Variants in GNG2 observed in about 807,000 individuals in gnomAD.
GNG2 encodes guanine nucleotide-binding protein G(I)/G(S)/G(O) subunit gamma-2.
In GNG2, 5 loss-of-function variants were observed where a neutral mutation model predicts 5.5. The observed-to-expected ratio is 0.91, with a 90% CI of 0.48 to 1.92. The LOEUF (loss-of-function observed/expected upper bound fraction) is 1.92, where lower values mean the gene tolerates loss of function less well. GNG2 is among the 30% of genes most tolerant of loss of function. GNG2 has a pLI of 0.01. For synonymous variants in GNG2, 28 were observed against 32.0 expected (o/e 0.88, Z 0.42); for missense variants, 55 against 88.4 (o/e 0.62, Z 1.52).
intron 2 of GNG2, among the ~76,000 whole-genome samples, chr14:51,909,956 A>C (rs972183841): frequency 3.9e-5 from 6 of 152,166 alleles, no homozygotes; most frequent in Non-Finnish European, 7.3e-5. Context: ...GCATTGAGAG[A>C]CCAGGACTCT....
At chr14:51,941,033 A>G (rs1888291487) in intron 2 of GNG2, among the ~76,000 whole-genome samples, 1 of 151,928 alleles carries the variant, frequency 6.6e-6, no homozygotes, top group South Asian at 2.1e-4. Context: ...TAATGTATAT[A>G]AATATCAATT....
rs1435325287 is a variant in GNG2 at position 51,892,063 on chromosome 14, A to G, written c.-30+14406A>G. 2.6e-5 allele frequency among the ~76,000 whole-genome samples: 4 copies of G among 152,188 alleles called. No homozygotes were observed. In the East Asian group the frequency reaches 7.7e-4, roughly 29 times the overall value. ...AAGAGTTCCTCTTGCTCCACTTGTC[A>G]ACAGTTAAGTGTTGGACAGAACAGT... On this transcript the variant is annotated intron_variant, in intron 2 of 3. Transcript: ENST00000556766.
At chr14:51,832,125 C>A (rs969866251) in intron 2 of GNG2, among the ~76,000 whole-genome samples, 2 of 141,966 alleles carry the variant, frequency 1.4e-5, no homozygotes, top group African/African-American at 5.6e-5. Context: ...ACAAAAAATA[C>A]AAAAATTAGT....
At chr14:51,834,363 G>A (rs1272918549) in intron 2 of GNG2, among the ~76,000 whole-genome samples, 4 of 152,186 alleles carry the variant, frequency 2.6e-5, no homozygotes, top group African/African-American at 9.7e-5. Context: ...GCACTTGCCT[G>A]GCTTCTGCCT....
intron 3 of GNG2, among the ~76,000 whole-genome samples, chr14:51,964,650 G>C (rs149851788): frequency 1.3e-5 from 2 of 152,072 alleles, no homozygotes. Context: ...AAAATTCAAC[G>C]GTTTATGGGA....
intron 2 of GNG2, among the ~76,000 whole-genome samples, chr14:51,946,200 G>A (rs1482489174): frequency 6.6e-6 from 1 of 152,144 alleles, no homozygotes; most frequent in African/African-American, 2.4e-5. Flanking sequence ...AGAAAATTAT[G>A]ATCCAGCAAC....
At chr14:51,826,522 C>G (rs1881033689) in intron 1 of GNG2, among the ~76,000 whole-genome samples, 1 of 152,080 alleles carries the variant, frequency 6.6e-6, no homozygotes, top group South Asian at 2.1e-4. Flanking sequence ...AGAACCAATA[C>G]CCCACCTCGT....
rs35183845 is a variant in GNG2 at position 51,842,666 on chromosome 14, A to ATTT, written c.64+14873_64+14875dup. 1.4e-3 allele frequency among the ~76,000 whole-genome samples: 199 copies of ATTT among 143,552 alleles called. 2 individuals are homozygous for ATTT. The highest frequency in any genetic ancestry group is 4.1e-3 in the African/African-American group (161 of 38,986). The allele number at this position is 143,552 out of a possible 152,430, so 94.2% of individuals were successfully genotyped here. On this transcript the variant is annotated intron_variant, in intron 2 of 3. Transcript: ENST00000553432. ...TTTCAGAGTACAGTTATTTGCCAGAATTTTTTTTTTTTTTTTGAGACAGAT... is the reference window on the plus strand; with the variant it reads ...TTTCAGAGTACAGTTATTTGCCAGAATTTTTTTTTTTTTTTTTTTGAGACAGAT...
chr14:51,953,035 G>T (rs900400073), intron 3 of GNG2, among the ~76,000 whole-genome samples: 34 of 152,046 alleles, frequency 2.2e-4, no homozygotes, highest in African/African-American at 8.2e-4. Context: ...TAATTCTTTT[G>T]ATGGGAATTT....
intron 2 of GNG2, among the ~76,000 whole-genome samples, chr14:51,843,428 G>C (rs990018939): frequency 4.6e-5 from 7 of 152,140 alleles, no homozygotes; most frequent in African/African-American, 1.7e-4. Context: ...GGCCTGTCGG[G>C]GGTGAGGGGA....
intron 2 of GNG2, among the ~76,000 whole-genome samples, chr14:51,883,009 C>CAAA (rs1208060740): frequency 4.1e-5 from 2 of 49,302 alleles, no homozygotes; most frequent in Admixed American, 2.0e-4. Flanking sequence ...GACTCCATCT[C>CAAA]AAAAAAAAAA....
At chr14:51,842,534 T>C (rs1182009901) in intron 2 of GNG2, among the ~76,000 whole-genome samples, 1 of 152,168 alleles carries the variant, frequency 6.6e-6, no homozygotes, top group Non-Finnish European at 1.5e-5. Flanking sequence ...GAGTAGCTTT[T>C]CCTGAGGTCC....
intron 2 of GNG2, among the ~76,000 whole-genome samples, chr14:51,882,145 AG>A (rs1884120562): frequency 6.6e-6 from 1 of 152,218 alleles, no homozygotes; most frequent in East Asian, 1.9e-4. Context: ...ATCTGGGTAC[AG>A]GGTTTCCTTC....
chr14:51,905,220 T>C (rs994214240), intron 2 of GNG2, among the ~76,000 whole-genome samples: 4 of 152,204 alleles, frequency 2.6e-5, no homozygotes, highest in Non-Finnish European at 5.9e-5. Flanking sequence ...GCTCCAATCT[T>C]GAGAAAAGTC....
intron 2 of GNG2, among the ~76,000 whole-genome samples, chr14:51,886,120 G>C (rs1025176477): frequency 1.3e-5 from 2 of 152,110 alleles, no homozygotes; most frequent in African/African-American, 4.8e-5. Context: ...AGCTTCAATC[G>C]AAGTGGAATA....
In GNG2 at chr14:51,935,191, A is replaced by AT. The variant is rs551116960; in HGVS notation, c.-29-15452dup. On this transcript the variant is annotated intron_variant, in intron 2 of 3. Coordinates refer to ENST00000556766, the MANE Select transcript of GNG2 (RefSeq NM_053064.5). Reference sequence around the variant, plus strand: ...AGGTGCCTGCCACCACGCCCCGCTAATTTTTTTGTATTTTCAGTAGAGACG... The same window carrying AT: ...AGGTGCCTGCCACCACGCCCCGCTAATTTTTTTTGTATTTTCAGTAGAGACG... 3.0e-4 allele frequency among the ~76,000 whole-genome samples: 45 copies of AT among 151,914 alleles called. 1 individual carries two copies. In the East Asian group the frequency reaches 8.1e-3, roughly 27 times the overall value.
chr14:51,950,352 C>G (rs910037515), intron 2 of GNG2, among the ~76,000 whole-genome samples: 10 of 152,180 alleles, frequency 6.6e-5, no homozygotes, highest in African/African-American at 1.9e-4. Context: ...CTGAGGTGGT[C>G]ACAGTTAACC....
intron 2 of GNG2, among the ~76,000 whole-genome samples, chr14:51,915,744 T>C (rs1886582069): frequency 6.6e-6 from 1 of 152,240 alleles, no homozygotes; most frequent in African/African-American, 2.4e-5. Context: ...TTTAAATTAG[T>C]GCTTTGAAAG....
At chr14:51,920,402 GTTA>G (rs1265059163) in intron 2 of GNG2, among the ~76,000 whole-genome samples, 13 of 150,948 alleles carry the variant, frequency 8.6e-5, no homozygotes, top group African/African-American at 2.4e-4. Flanking sequence ...TAAGTAAATA[GTTA>G]TTATACTATA....
Sources: allele counts gnomAD v4.1 joint callset (sites outside exome capture counted in the v4.1 genomes callset), GRCh38; gene constraint gnomAD v4.1.1; transcripts MANE v1.5; gene names NCBI Gene and HGNC (gene_info 2026-07-23, HGNC 2026-07-21).